Variants in ADA2 observed in about 807,000 individuals in gnomAD.
ADA2 encodes the protein adenosine deaminase 2.
In ADA2, 29 loss-of-function variants were observed where a neutral mutation model predicts 44.2. That is an observed-to-expected ratio of 0.66 (90% CI 0.49 to 0.89). The LOEUF (loss-of-function observed/expected upper bound fraction) is 0.89. ADA2 is among the 40% of genes least tolerant of loss of function. ADA2 has a pLI of 0.00. For missense variants in ADA2, 637 were observed against 644.8 expected, an observed-to-expected ratio of 0.99 and a Z score of 0.13; for synonymous variants, 215 against 234.9, an observed-to-expected ratio of 0.92 and a Z score of 0.77.
At position 17,209,427 on chromosome 22, in the gene ADA2, A is replaced by C; in HGVS notation, c.251T>G (p.Met84Arg). 1 of 1,614,156 alleles carries C rather than the reference A, an allele frequency of 6.2e-7. No individual in the cohort carries two copies. Among genetic ancestry groups the C allele is most frequent in the Non-Finnish European group, 8.5e-7 (1 of 1,180,034 alleles). The change falls in exon 2 of 10, where the codon ATG (methionine) becomes AGG (arginine). Residue 84 changes from methionine (M) to arginine (R), a missense_variant. Transcript: ENST00000399837. ...GAGATGCTTGGCCTGGAAAAAGTGC[A>C]TGCTGGGTGGGAATATCAGGGTCCT... ...AMRTLIFPPS[M>R]HFFQAKHLIE...
rs865858930 is a variant in ADA2, at chr22:17,189,952, C to G, written c.962G>C (p.Gly321Ala). 6.2e-7 allele frequency: 1 copy of G among 1,613,220 alleles called. No individual in the cohort carries two copies. The highest frequency in any genetic ancestry group is 2.2e-5 in the East Asian group (1 of 44,882). The change falls in exon 6 of 10, where the codon GGG (glycine) becomes GCG (alanine). Residue 321 changes from glycine to alanine, a missense_variant. Transcript: ENST00000399837. ...LRIKFPTVVA[G>A]FDLVGHEDTG... ...CACAGCATGGGTTACCAGGTCAAACCCTGCCACCACCGTGGGGAACTTGAT... is the reference window on the plus strand; with the variant it reads ...CACAGCATGGGTTACCAGGTCAAACGCTGCCACCACCGTGGGGAACTTGAT...
intron 1 of ADA2, 130 bp downstream of exon 1, chr22:17,219,226 T>C: frequency 6.6e-6 from 1 of 152,402 alleles, no homozygotes; most frequent in Non-Finnish European, 1.5e-5. Flanking sequence ...CTGTTACTCC[T>C]CCACTGAGAG....
At position 17,188,458 on chromosome 22, in the gene ADA2, G is replaced by A. The variant is rs868563664; in HGVS notation, c.973-11C>T. On this transcript the variant is annotated splice_polypyrimidine_tract_variant and intron_variant, in intron 6 of 9. Transcript: ENST00000399837. ...GTCCTCATGCCCCACCTGCAGGACA[G>A]AGAGGGACAGGGAGGTGTCTGCAGG... The A allele has an allele frequency of 1.3e-6, 2 of 1,586,884 alleles. No homozygotes were observed. Among genetic ancestry groups the A allele is most frequent in the Non-Finnish European group, 1.7e-6 (2 of 1,155,524 alleles).
At chr22:17,182,290 A>G (rs2061980821) in intron 8 of ADA2, among the ~76,000 whole-genome samples, 1 of 151,944 alleles carries the variant, frequency 6.6e-6, no homozygotes, top group Admixed American at 6.6e-5. Context: ...GACACAAAGG[A>G]CCCCAAGAAA....
chr22:17,202,135 A>AT (rs566952207), intron 4 of ADA2, among the ~76,000 whole-genome samples: 185 of 133,438 alleles, frequency 1.4e-3, no homozygotes, highest in Admixed American at 1.6e-3. Context: ...ATGCCAGCTA[A>AT]TTTTTTTTTT....
intron 7 of ADA2, among the ~76,000 whole-genome samples, chr22:17,187,379 G>T (rs944315314): frequency 3.9e-5 from 6 of 151,900 alleles, no homozygotes; most frequent in Admixed American, 1.3e-4. Context: ...AGTTCAGTGA[G>T]CCTGGGCTCA....
intron 7 of ADA2, among the ~76,000 whole-genome samples, chr22:17,186,351 C>G (rs1286168118): frequency 6.6e-6 from 1 of 151,164 alleles, no homozygotes; most frequent in African/African-American, 2.4e-5. Flanking sequence ...GAGGCCAAGG[C>G]GGGTGGATTG....
At chr22:17,198,033 C>T (rs905886590) in intron 4 of ADA2, among the ~76,000 whole-genome samples, 84 of 146,946 alleles carry the variant, frequency 5.7e-4, no homozygotes, top group Non-Finnish European at 5.7e-4. Context: ...AACGAAACTC[C>T]GTCTCAAAAA....
At chr22:17,204,794 CTTTTT>C (rs535426763) in intron 3 of ADA2, among the ~76,000 whole-genome samples, 1 of 132,938 alleles carries the variant, frequency 7.5e-6, no homozygotes, top group Admixed American at 7.9e-5. Flanking sequence ...TCAATTCCTT[CTTTTT>C]TTTTTTTTTT....
intron 7 of ADA2, among the ~76,000 whole-genome samples, chr22:17,184,983 A>T (rs866654675): frequency 1.1e-4 from 9 of 78,738 alleles, no homozygotes; most frequent in African/African-American, 3.9e-4. Context: ...CCCATGTCAA[A>T]ATATATATAT....
chr22:17,220,905 G>A (rs2062518091), upstream of ADA2, among the ~76,000 whole-genome samples: 1 of 152,162 alleles, frequency 6.6e-6, no homozygotes, highest in South Asian at 2.1e-4. Context: ...TGGGCTCAGT[G>A]GTGCATGCCT....
chr22:17,189,872 C>T (rs149168280), intron 6 of ADA2, 70 bp downstream of exon 6: 23 of 1,143,150 alleles, frequency 2.0e-5, no homozygotes, highest in East Asian at 9.4e-5. Context: ...AGGGAGTTGC[C>T]GCTCCACCCA....
In ADA2 at chr22:17,203,678, G is replaced by A. The variant is rs1446203580; in HGVS notation, c.638C>T (p.Thr213Ile). The change falls in exon 4 of 10, where the codon ACC becomes ATC. Residue 213 changes from threonine (T) to isoleucine (I), a missense_variant. Thr to Ile is a moderately conservative substitution (Grantham distance 89). Transcript: ENST00000399837. ...VWSKFETIFF[T>I]ISGLIHYAPV... ...TGCGTAATGGATGAGACCAGAGATG[G>A]TGAAGAAGATGGTTTCAAATTTCGA... 4.2e-5 allele frequency: 67 copies of A among 1,613,864 alleles called. No homozygotes were observed. Among genetic ancestry groups the A allele is most frequent in the Non-Finnish European group, 5.6e-5 (66 of 1,179,840 alleles).
At chr22:17,217,973 C>T (rs903815645) in intron 1 of ADA2, among the ~76,000 whole-genome samples, 1 of 152,172 alleles carries the variant, frequency 6.6e-6, no homozygotes, top group Admixed American at 6.5e-5. Flanking sequence ...TTGGGCAAAT[C>T]ACTAACGTCT....
Position 17,188,427 on chromosome 22 carries a change from G to GC in ADA2, c.992dup (p.His332ProfsTer5). On this transcript the variant is annotated frameshift_variant, in exon 7 of 10. Coordinates refer to ENST00000399837, the MANE Select transcript of ADA2 (RefSeq NM_001282225.2). LOFTEE classifies it high-confidence loss of function. ...CTTCCTTGTAGTCATGCAAGGAGTG[G>GC]CCAGTGTCCTCATGCCCCACCTGCA... The GC allele has an allele frequency of 6.2e-7, 1 of 1,613,484 alleles. No homozygotes were observed. The highest frequency in any genetic ancestry group is 8.5e-7 in the Non-Finnish European group (1 of 1,179,456).
intron 4 of ADA2, chr22:17,193,415 C>A: frequency 2.5e-6 from 1 of 394,540 alleles, no homozygotes; most frequent in Non-Finnish European, 4.6e-6. Context: ...GCCTGTAATC[C>A]CAGCACTTTG....
chr22:17,200,985 G>A (rs1167725640), intron 4 of ADA2, among the ~76,000 whole-genome samples: 1 of 151,980 alleles, frequency 6.6e-6, no homozygotes, highest in Non-Finnish European at 1.5e-5. Context: ...AATAACGAGT[G>A]GATCAGCTGA....
chr22:17,193,491 C>T (rs182380664), intron 4 of ADA2, among the ~76,000 whole-genome samples: 48 of 150,592 alleles, frequency 3.2e-4, no homozygotes, highest in African/African-American at 1.1e-3. Flanking sequence ...ATGGTGAAAC[C>T]TCGTCTCTAC....
intron 4 of ADA2, among the ~76,000 whole-genome samples, chr22:17,195,397 T>C (rs2062177240): frequency 6.6e-6 from 1 of 151,818 alleles, no homozygotes; most frequent in Non-Finnish European, 1.5e-5. Flanking sequence ...GGCGTGGTGG[T>C]GGGCGCCTGT....
Sources: gnomAD v4.1 joint callset for allele counts (sites outside exome capture counted in the v4.1 genomes callset) on GRCh38, gnomAD v4.1.1 for gene constraint, MANE v1.5 for transcripts, NCBI Gene and HGNC (gene_info 2026-07-23, HGNC 2026-07-21) for gene names.